Variants in CDH18 observed in about 807,000 individuals in gnomAD.
The protein encoded by CDH18 is cadherin 18.
In CDH18, 31 loss-of-function variants were observed where a neutral mutation model predicts 67.9. That is an observed-to-expected ratio of 0.46 (90% CI 0.34 to 0.62). CDH18 has a LOEUF of 0.62. CDH18 is among the 20% of genes least tolerant of loss of function. The pLI is 0.01. For synonymous variants in CDH18, 362 were observed against 347.2 expected, an observed-to-expected ratio of 1.04 and a Z score of -0.48; for missense variants, 890 against 975.5, an observed-to-expected ratio of 0.91 and a Z score of 1.17.
chr5:19,474,180 C>A (rs907913762), intron 12 of CDH18, among the ~76,000 whole-genome samples: 2 of 151,434 alleles, frequency 1.3e-5, no homozygotes, highest in African/African-American at 4.8e-5. Context: ...GGAGCCTTAA[C>A]GTTAAACCCT....
chr5:20,010,666 G>A (rs925932271), intron 2 of CDH18, among the ~76,000 whole-genome samples: 71 of 152,140 alleles, frequency 4.7e-4, no homozygotes, highest in African/African-American at 1.6e-3. Context: ...CTTAAGTTCT[G>A]AGACAAAGCA....
In CDH18 at chr5:20,093,508, G is replaced by A. The variant is rs898170144; in HGVS notation, c.-517-101494C>T. Among the ~76,000 whole-genome samples the A allele has an allele frequency of 7.9e-5, 12 of 151,970 alleles. No individual in the cohort carries two copies. The South Asian group carries it at 1.7e-3, about 21-fold the overall frequency. On this transcript the variant is annotated intron_variant, in intron 2 of 14. Coordinates refer to the CDH18 transcript ENST00000507958. ...ATTGTGTTAGAGTATTTGTGTTAAC[G>A]CTACATTAAACTCAAAGATTTTCTA...
intron 2 of CDH18, among the ~76,000 whole-genome samples, chr5:20,146,534 A>C (rs543963806): frequency 6.6e-6 from 1 of 152,154 alleles, no homozygotes; most frequent in African/African-American, 2.4e-5. Context: ...CAGAAAGAAA[A>C]AGTTTTCTTC....
intron 3 of CDH18, among the ~76,000 whole-genome samples, chr5:19,837,137 T>C (rs1781741612): frequency 1.3e-5 from 2 of 152,136 alleles, no homozygotes. Context: ...GAAACCATCA[T>C]TCGCAGCAAA....
intron 2 of CDH18, among the ~76,000 whole-genome samples, chr5:20,078,586 T>TC (rs1239132983): frequency 6.6e-6 from 1 of 151,588 alleles, no homozygotes; most frequent in East Asian, 1.9e-4. Flanking sequence ...GACATTTTGT[T>TC]TTTTTTGGTA....
At chr5:19,652,523 T>A (rs183946306) in intron 5 of CDH18, among the ~76,000 whole-genome samples, 30 of 152,058 alleles carry the variant, frequency 2.0e-4, no homozygotes, top group African/African-American at 6.5e-4. Flanking sequence ...CAAAAAGAGT[T>A]TTTTTTAAAA....
At chr5:19,498,272 C>T (rs1742675493) in intron 11 of CDH18, among the ~76,000 whole-genome samples, 1 of 152,092 alleles carries the variant, frequency 6.6e-6, no homozygotes, top group South Asian at 2.1e-4. Context: ...ACAAACACTG[C>T]AGAAGAGACA....
At chr5:19,719,927 AAG>A (rs1765831091) in intron 5 of CDH18, among the ~76,000 whole-genome samples, 1 of 147,674 alleles carries the variant, frequency 6.8e-6, no homozygotes, top group South Asian at 2.1e-4. Context: ...GAAAGAAAGA[AAG>A]AAAGAAAGAA....
intron 1 of CDH18, among the ~76,000 whole-genome samples, chr5:20,354,611 T>G (rs1741457122): frequency 6.6e-6 from 1 of 152,036 alleles, no homozygotes; most frequent in Admixed American, 6.6e-5. Context: ...CAGGCTAGTC[T>G]CGAACCCCTG....
chr5:19,481,546 C>G (rs1051755522), intron 12 of CDH18, among the ~76,000 whole-genome samples: 10 of 152,160 alleles, frequency 6.6e-5, no homozygotes, highest in African/African-American at 2.4e-4. Flanking sequence ...CATTCACAGT[C>G]ATCTTTTGCA....
intron 1 of CDH18, among the ~76,000 whole-genome samples, chr5:20,335,320 C>T (rs531129679): frequency 1.3e-5 from 2 of 152,188 alleles, no homozygotes; most frequent in South Asian, 4.1e-4. Context: ...CAGTTAATTT[C>T]CTTCAGTTAT....
At chr5:19,891,557 T>C (rs1280313935) in intron 2 of CDH18, among the ~76,000 whole-genome samples, 2 of 152,158 alleles carry the variant, frequency 1.3e-5, no homozygotes, top group South Asian at 2.1e-4. Flanking sequence ...CAGCCCCAAA[T>C]TGATCAAGAT....
chr5:20,307,306 G>A (rs2149981409), intron 1 of CDH18, among the ~76,000 whole-genome samples: 1 of 152,134 alleles, frequency 6.6e-6, no homozygotes, highest in Admixed American at 6.5e-5. Flanking sequence ...AACATTTTGG[G>A]CTTTAGCATT....
chr5:19,923,080 G>A (rs550638060), intron 2 of CDH18, among the ~76,000 whole-genome samples: 193 of 152,202 alleles, frequency 1.3e-3, no homozygotes, highest in African/African-American at 4.4e-3. Context: ...TACATTATAA[G>A]TGACACTGTG....
intron 4 of CDH18, among the ~76,000 whole-genome samples, chr5:19,726,041 A>T (rs79468395): frequency 8.2e-4 from 125 of 152,330 alleles, no homozygotes; most frequent in Non-Finnish European, 1.6e-3. Flanking sequence ...ACAGTGCAAG[A>T]TCATTCTTCT....
intron 2 of CDH18, among the ~76,000 whole-genome samples, chr5:19,965,611 T>C (rs746872263): frequency 3.3e-5 from 5 of 152,192 alleles, no homozygotes; most frequent in Non-Finnish European, 5.9e-5. Context: ...AGTGATTTAT[T>C]AGATTTCTTT....
chr5:20,246,420 G>A (rs541468394), intron 2 of CDH18, among the ~76,000 whole-genome samples: 64 of 152,002 alleles, frequency 4.2e-4, no homozygotes, highest in African/African-American at 1.4e-3. Flanking sequence ...TTATTTATTC[G>A]AAACTCTTTT....
rs527815427 is a variant in CDH18, at chr5:20,405,720, A to T, written c.-579-150215T>A. 2.1e-4 allele frequency among the ~76,000 whole-genome samples: 32 copies of T among 152,286 alleles called. No individual in the cohort carries two copies. In the South Asian group the frequency reaches 6.2e-3, roughly 30 times the overall value. ...AAGGGCTAATATCCAGAATCTACAAAGAACTCAAACAAATTTACAAGAAAA... is the reference window on the plus strand; with the variant it reads ...AAGGGCTAATATCCAGAATCTACAATGAACTCAAACAAATTTACAAGAAAA... On this transcript the variant is annotated intron_variant, in intron 1 of 14. Coordinates refer to the CDH18 transcript ENST00000507958.
intron 2 of CDH18, among the ~76,000 whole-genome samples, chr5:19,945,168 G>A (rs1174482830): frequency 6.6e-6 from 1 of 152,112 alleles, no homozygotes; most frequent in Non-Finnish European, 1.5e-5. Context: ...CTCTACCAGT[G>A]AAAGAGAATT....
Sources: gnomAD v4.1 joint callset for allele counts (sites outside exome capture counted in the v4.1 genomes callset) on GRCh38, gnomAD v4.1.1 for gene constraint, MANE v1.5 for transcripts, NCBI Gene and HGNC (gene_info 2026-07-23, HGNC 2026-07-21) for gene names.